Variants in CDH18 observed in about 807,000 individuals in gnomAD.
The protein encoded by CDH18 is cadherin 18.
In CDH18, 31 loss-of-function variants were observed where a neutral mutation model predicts 67.9. That is an observed-to-expected ratio of 0.46 (90% confidence interval 0.34 to 0.62). The LOEUF (loss-of-function observed/expected upper bound fraction) is 0.62. Among genes scored for constraint, CDH18 ranks in the 20% least tolerant of loss-of-function variants. CDH18 has a pLI of 0.01. For missense variants in CDH18, 890 were observed against 975.5 expected (o/e 0.91, Z 1.17); for synonymous variants, 362 against 347.2 (o/e 1.04, Z -0.48).
At chr5:20,324,968 GA>G (rs1738416006) in intron 1 of CDH18, among the ~76,000 whole-genome samples, 1 of 152,052 alleles carries the variant, frequency 6.6e-6, no homozygotes, top group Non-Finnish European at 1.5e-5. Context: ...ATTTGTATGA[GA>G]ATCATGATTT....
intron 2 of CDH18, among the ~76,000 whole-genome samples, chr5:20,133,433 T>C (rs79033927): frequency 0.01 from 1,582 of 152,230 alleles, 28 homozygotes; most frequent in African/African-American, 0.036. Context: ...ACCTCCTCCA[T>C]GATTCAATTG....
chr5:20,263,598 T>G (rs1580615550), intron 1 of CDH18, among the ~76,000 whole-genome samples: 1 of 152,162 alleles, frequency 6.6e-6, no homozygotes, highest in Admixed American at 6.5e-5. Flanking sequence ...TAAAAAATGA[T>G]TGATGCATGG....
chr5:19,849,657 T>TATATATACACGCATATATATATAAAC lies in CDH18; in HGVS notation c.-256-10416_-256-10415insGTTTATATATATATGCGTGTATATAT, dbSNP rs1561437274. ...ATATACACGCATATATATATAAACA[T>TATATATACACGCATATATATATAAAC]ATATATATACACGCATATATATATA... On this transcript the variant is annotated intron_variant, in intron 2 of 12. Coordinates refer to ENST00000382275, the MANE Select transcript of CDH18 (RefSeq NM_004934.5). Among the ~76,000 whole-genome samples the TATATATACACGCATATATATATAAAC allele has an allele frequency of 4.9e-3, 152 of 31,034 alleles. 20 individuals are homozygous for TATATATACACGCATATATATATAAAC. Among genetic ancestry groups the TATATATACACGCATATATATATAAAC allele is most frequent in the African/African-American group, 0.011 (150 of 13,472 alleles). The allele number at this position is 31,034 out of a possible 152,430, so 20.4% of individuals were successfully genotyped here. A position where few individuals can be genotyped will look rare whatever the true frequency, so the allele number is the denominator to read the frequency against.
chr5:19,765,500 A>G (rs1772961850), intron 3 of CDH18, among the ~76,000 whole-genome samples: 1 of 152,094 alleles, frequency 6.6e-6, no homozygotes, highest in Non-Finnish European at 1.5e-5. Flanking sequence ...ATTAAACCAT[A>G]TTATTTGACA....
chr5:20,069,499 A>C (rs1229027768), intron 2 of CDH18, among the ~76,000 whole-genome samples: 2 of 150,758 alleles, frequency 1.3e-5, no homozygotes, highest in Non-Finnish European at 3.0e-5. Context: ...TGCAACCTCC[A>C]CCTCCCGGGT....
chr5:19,909,485 G>C (rs987128511), intron 2 of CDH18, among the ~76,000 whole-genome samples: 5 of 151,960 alleles, frequency 3.3e-5, no homozygotes, highest in Admixed American at 1.3e-4. Flanking sequence ...TTTTAGTAGA[G>C]ATGGGGTTTC....
intron 5 of CDH18, among the ~76,000 whole-genome samples, chr5:19,703,050 CG>C (rs1763474623): frequency 1.3e-5 from 2 of 151,544 alleles, no homozygotes; most frequent in Admixed American, 1.3e-4. Flanking sequence ...TAAATATGTG[CG>C]TAAAACTCTG....
At chr5:19,648,713 TG>T (rs1393045265) in intron 5 of CDH18, among the ~76,000 whole-genome samples, 1 of 152,070 alleles carries the variant, frequency 6.6e-6, no homozygotes, top group Non-Finnish European at 1.5e-5. Flanking sequence ...ATTTTAACAA[TG>T]AATCAAAAAA....
At chr5:20,244,696 T>A (rs1166883046) in intron 2 of CDH18, among the ~76,000 whole-genome samples, 4 of 152,100 alleles carry the variant, frequency 2.6e-5, no homozygotes, top group African/African-American at 9.7e-5. Context: ...GTCTTGACAG[T>A]TTATGATTTT....
intron 2 of CDH18, among the ~76,000 whole-genome samples, chr5:20,087,777 A>AT (rs1282996438): frequency 6.6e-6 from 1 of 152,148 alleles, no homozygotes; most frequent in Non-Finnish European, 1.5e-5. Flanking sequence ...AAGACAAATA[A>AT]TTTTTGTGGC....
At chr5:20,488,673 T>TTTTATATATATA (rs1435006497) in intron 1 of CDH18, among the ~76,000 whole-genome samples, 96 of 126,966 alleles carry the variant, frequency 7.6e-4, no homozygotes, top group South Asian at 5.8e-3. Flanking sequence ...GGGTAGTGTT[T>TTTTATATATATA]TATATATATA....
intron 1 of CDH18, among the ~76,000 whole-genome samples, chr5:20,359,949 T>A (rs1372602402): frequency 6.6e-6 from 1 of 151,222 alleles, no homozygotes; most frequent in Non-Finnish European, 1.5e-5. Flanking sequence ...TATATAATAA[T>A]CTATTAAAAA....
At chr5:20,024,907 G>C (rs1419594251) in intron 2 of CDH18, among the ~76,000 whole-genome samples, 2 of 152,158 alleles carry the variant, frequency 1.3e-5, no homozygotes, top group East Asian at 3.9e-4. Context: ...CTAATGTTTG[G>C]TAAGTGAGTG....
intron 1 of CDH18, among the ~76,000 whole-genome samples, chr5:20,271,093 T>C (rs1745403455): frequency 6.6e-6 from 1 of 152,032 alleles, no homozygotes; most frequent in African/African-American, 2.4e-5. Flanking sequence ...TGACACAGTT[T>C]GCCTATATGA....
chr5:19,927,634 T>C, intron 2 of CDH18, among the ~76,000 whole-genome samples: 1 of 152,200 alleles, frequency 6.6e-6, no homozygotes, highest in Non-Finnish European at 1.5e-5. Context: ...ATGATATTTT[T>C]ATGAATGTTA....
chr5:20,298,546 C>T lies in CDH18; in HGVS notation c.-579-43041G>A, dbSNP rs552921322. Among the ~76,000 whole-genome samples, 6 of 152,152 alleles carry T rather than the reference C, an allele frequency of 3.9e-5. No individual in the cohort carries two copies. In the East Asian group the frequency reaches 1.2e-3, roughly 29 times the overall value. On this transcript the variant is annotated intron_variant, in intron 1 of 14. Coordinates refer to the CDH18 transcript ENST00000507958. The stretch of plus-strand genomic sequence containing the variant: ...GATATTGCATCTCAAATTTAAAAGA[C>T]AAAATGGAGACTACATAGATACGAC...
intron 7 of CDH18, among the ~76,000 whole-genome samples, chr5:19,580,393 A>G (rs910341519): frequency 2.1e-4 from 32 of 151,886 alleles, no homozygotes; most frequent in African/African-American, 7.7e-4. Context: ...TTATAACAAT[A>G]TATCATGTCT....
intron 1 of CDH18, among the ~76,000 whole-genome samples, chr5:20,560,511 A>ACACACACACT (rs1197460480): frequency 6.8e-6 from 1 of 146,218 alleles, no homozygotes; most frequent in East Asian, 2.0e-4. Flanking sequence ...ACACACACAC[A>ACACACACACT]CCCCTACATT....
At chr5:19,482,349 T>G (rs529475361) in intron 12 of CDH18, among the ~76,000 whole-genome samples, 6 of 151,972 alleles carry the variant, frequency 3.9e-5, no homozygotes, top group African/African-American at 1.4e-4. Context: ...ATCTCCTGAC[T>G]TCGTGATCCG....
Sources: gnomAD v4.1 joint callset for allele counts (sites outside exome capture counted in the v4.1 genomes callset) on GRCh38, gnomAD v4.1.1 for gene constraint, MANE v1.5 for transcripts, NCBI Gene and HGNC (gene_info 2026-07-23, HGNC 2026-07-21) for gene names.